ADGRA3: variants seen among roughly 807,000 people sequenced by gnomAD.
The protein encoded by ADGRA3 is G-protein coupled receptor 125.
A neutral mutation model predicts 119.8 loss-of-function variants in ADGRA3; 56 were observed. The observed-to-expected ratio is 0.47, with a 90% confidence interval of 0.38 to 0.58. The LOEUF is 0.58. Ranked by LOEUF, ADGRA3 falls within the 20% of genes least tolerant of loss-of-function variation. The pLI is 0.00. For missense variants in ADGRA3, 1,516 were observed against 1,649.0 expected, an observed-to-expected ratio of 0.92 and a Z score of 1.40; for synonymous variants, 607 against 623.8, an observed-to-expected ratio of 0.97 and a Z score of 0.40.
intron 1 of ADGRA3, among the ~76,000 whole-genome samples, chr4:22,507,396 G>C (rs972374275): frequency 1.3e-5 from 2 of 152,182 alleles, no homozygotes; most frequent in Admixed American, 1.3e-4. Context: ...TGCTTCCTGA[G>C]AGGCAGCTGA....
chr4:22,510,132 C>T (rs1018839434), intron 1 of ADGRA3, among the ~76,000 whole-genome samples: 15 of 152,042 alleles, frequency 9.9e-5, no homozygotes, highest in Non-Finnish European at 1.6e-4. Flanking sequence ...TCAGACTACA[C>T]TTAAGTTATT....
chr4:22,417,526 A>T (rs1260781278), intron 12 of ADGRA3, among the ~76,000 whole-genome samples: 2 of 152,170 alleles, frequency 1.3e-5, no homozygotes, highest in African/African-American at 2.4e-5. Flanking sequence ...ATAACAGCCG[A>T]GAAACTGACA....
chr4:22,410,481 T>A (rs1715147594), intron 14 of ADGRA3, among the ~76,000 whole-genome samples: 1 of 152,164 alleles, frequency 6.6e-6, no homozygotes, highest in South Asian at 2.1e-4. Context: ...GTATATTCTT[T>A]ATGTCGCATT....
In ADGRA3 at chr4:22,403,348, G is replaced by A. The variant is rs540072722; in HGVS notation, c.2233-549C>T. On this transcript the variant is annotated intron_variant, in intron 14 of 18. Transcript: ENST00000334304. ...GTCCCTGAAGAGGTGAAAATCACAG[G>A]GGAGACACATGTACAATCAGATCAT... 5.1e-4 allele frequency among the ~76,000 whole-genome samples: 78 copies of A among 152,084 alleles called. 1 individual carries two copies. The highest frequency in any genetic ancestry group is 1.1e-3 in the Admixed American group (17 of 15,268).
At chr4:22,501,509 A>C (rs980700365) in intron 1 of ADGRA3, among the ~76,000 whole-genome samples, 4 of 152,272 alleles carry the variant, frequency 2.6e-5, no homozygotes, top group African/African-American at 9.6e-5. Context: ...AGAGCAAGAA[A>C]GAACCTGAAT....
chr4:22,426,776 G>T (rs1715953063), intron 10 of ADGRA3, among the ~76,000 whole-genome samples: 1 of 152,096 alleles, frequency 6.6e-6, no homozygotes, highest in African/African-American at 2.4e-5. Context: ...AAGATCAAAT[G>T]ACAAATAATT....
In ADGRA3 at chr4:22,396,985, C is replaced by T. The variant is rs557055858; in HGVS notation, c.2482-4295G>A. On this transcript the variant is annotated intron_variant, in intron 16 of 18. Transcript: ENST00000334304. ...TGAATACTTTTAGACACAATGAAGA[C>T]CTTTATTGCCACTGTGTGCTGAGTA... 6.6e-5 allele frequency among the ~76,000 whole-genome samples: 10 copies of T among 152,172 alleles called. No individual in the cohort carries two copies. The South Asian group carries it at 8.3e-4, about 13-fold the overall frequency.
chr4:22,428,921 A>G, intron 10 of ADGRA3, among the ~76,000 whole-genome samples: 1 of 152,174 alleles, frequency 6.6e-6, no homozygotes, highest in East Asian at 1.9e-4. Flanking sequence ...AGGAGTAAAG[A>G]GAATGATGAG....
At chr4:22,412,746 C>A (rs1202156882) in intron 14 of ADGRA3, among the ~76,000 whole-genome samples, 2 of 152,092 alleles carry the variant, frequency 1.3e-5, no homozygotes, top group Admixed American at 1.3e-4. Context: ...ATGATTAATT[C>A]TAAATTTAAA....
intron 16 of ADGRA3, among the ~76,000 whole-genome samples, chr4:22,397,341 T>C (rs59923407): frequency 0.12 from 17,787 of 151,764 alleles, 1,517 homozygotes; most frequent in East Asian, 0.3. Flanking sequence ...GCTACTACGC[T>C]CAGCTAATTT....
At chr4:22,509,867 C>T (rs1412386457) in intron 1 of ADGRA3, among the ~76,000 whole-genome samples, 11 of 151,740 alleles carry the variant, frequency 7.2e-5, no homozygotes, top group African/African-American at 2.7e-4. Context: ...AAAATTAGCC[C>T]GGCGTGGTAG....
intron 16 of ADGRA3, among the ~76,000 whole-genome samples, chr4:22,398,306 G>A (rs867466658): frequency 6.6e-6 from 1 of 151,982 alleles, no homozygotes; most frequent in African/African-American, 2.4e-5. Context: ...ATTTTAAATT[G>A]GATCTCAGGT....
At chr4:22,410,956 G>C (rs1715175235) in intron 14 of ADGRA3, among the ~76,000 whole-genome samples, 2 of 152,134 alleles carry the variant, frequency 1.3e-5, no homozygotes, top group Admixed American at 6.5e-5. Flanking sequence ...GAGATTAAAA[G>C]TCTGAAAGAT....
intron 16 of ADGRA3, among the ~76,000 whole-genome samples, chr4:22,397,584 C>T (rs1356914897): frequency 3.9e-5 from 6 of 152,022 alleles, no homozygotes; most frequent in East Asian, 1.9e-4. Flanking sequence ...TAGTTGTGTC[C>T]CCACCCAAAT....
At position 22,416,126 on chromosome 4, in the gene ADGRA3, T is replaced by C. The variant is rs1178793126; in HGVS notation, c.1810-2312A>G. Among the ~76,000 whole-genome samples the C allele has an allele frequency of 2.0e-5, 3 of 152,352 alleles. No individual in the cohort carries two copies. The East Asian group carries it at 5.8e-4, about 29-fold the overall frequency. ...TGTTGATCATTATTTACAGAAAGGT[T>C]GTAAATCTATTAGTCACCGCAAAAC... is the stretch of plus-strand genomic sequence containing the variant. On this transcript the variant is annotated intron_variant, in intron 12 of 18. Coordinates refer to ENST00000334304, the MANE Select transcript of ADGRA3 (RefSeq NM_145290.4).
intron 1 of ADGRA3, among the ~76,000 whole-genome samples, chr4:22,505,284 C>T (rs981110116): frequency 6.6e-6 from 1 of 152,148 alleles, no homozygotes; most frequent in African/African-American, 2.4e-5. Flanking sequence ...CAAAAAGACC[C>T]ACCAGTCCCT....
Position 22,509,134 on chromosome 4 carries a change from GGA to G in ADGRA3, c.257+6392_257+6393del, listed in dbSNP as rs1380553428. 2.0e-5 allele frequency among the ~76,000 whole-genome samples: 3 copies of G among 152,160 alleles called. No individual in the cohort carries two copies. The East Asian group carries it at 5.8e-4, about 29-fold the overall frequency. On this transcript the variant is annotated intron_variant, in intron 1 of 18. Transcript: ENST00000334304. ...GTTTCACTGAGGGCTTACATGCAGG[GGA>G]GAGAGTTCAGTGCTGGCGGGCTGGA...
In ADGRA3 at chr4:22,455,081, G is replaced by A. The variant is rs547240211; in HGVS notation, c.402-144C>T. ...TGAGATATTTACTGTACGCAAATGA[G>A]ATAAGGATAGCAGTGAGGCTGAAAA... On this transcript the variant is annotated intron_variant, in intron 3 of 18. Transcript: ENST00000334304. The A allele has an allele frequency of 6.3e-6, 4 of 634,444 alleles. No individual in the cohort carries two copies. In the African/African-American group the frequency reaches 7.3e-5, roughly 12 times the overall value. 39.3% of individuals were successfully genotyped at this position (634,444 alleles called of 1,614,324 possible).
At chr4:22,418,674 C>G (rs1560306618) in intron 12 of ADGRA3, among the ~76,000 whole-genome samples, 1 of 152,092 alleles carries the variant, frequency 6.6e-6, no homozygotes, top group Non-Finnish European at 1.5e-5. Context: ...AAGGGGTGCA[C>G]AAGGTCAATT....
Sources: allele counts gnomAD v4.1 joint callset (sites outside exome capture counted in the v4.1 genomes callset), GRCh38; gene constraint gnomAD v4.1.1; transcripts MANE v1.5; gene names NCBI Gene and HGNC (gene_info 2026-07-23, HGNC 2026-07-21).